The following LRRTM3 variants were observed in gnomAD, a reference collection of about 807,000 sequenced individuals.
LRRTM3 encodes leucine rich repeat transmembrane neuronal 3.
A neutral mutation model predicts 44.7 loss-of-function variants in LRRTM3; 24 were observed. That is an observed-to-expected ratio of 0.54 (90% confidence interval 0.39 to 0.76). The LOEUF (loss-of-function observed/expected upper bound fraction) is 0.76. LRRTM3 is among the 30% of genes least tolerant of loss of function. The pLI, the probability that LRRTM3 is intolerant of heterozygous loss-of-function variation, is 0.00. For synonymous variants in LRRTM3, 277 were observed against 278.7 expected (o/e 0.99, Z 0.06); for missense variants, 587 against 702.2 (o/e 0.84, Z 1.85).
intron 2 of LRRTM3, among the ~76,000 whole-genome samples, chr10:66,977,854 T>G (rs1015621858): frequency 2.6e-5 from 4 of 152,180 alleles, no homozygotes; most frequent in Non-Finnish European, 4.4e-5. Context: ...TATGTCTGGA[T>G]CACTTGTGCT....
intron 2 of LRRTM3, among the ~76,000 whole-genome samples, chr10:67,006,635 T>C (rs753240383): frequency 9.9e-5 from 15 of 152,178 alleles, no homozygotes; most frequent in South Asian, 2.1e-4. Context: ...AATTATGTAA[T>C]AAAAATTTAA....
intron 2 of LRRTM3, among the ~76,000 whole-genome samples, chr10:67,071,765 A>C (rs1161433750): frequency 6.6e-6 from 1 of 152,164 alleles, no homozygotes; most frequent in Non-Finnish European, 1.5e-5. Flanking sequence ...AAATTAGCAT[A>C]ACACAAATAC....
At chr10:67,048,071 T>C (rs952114677) in intron 2 of LRRTM3, among the ~76,000 whole-genome samples, 1 of 152,086 alleles carries the variant, frequency 6.6e-6, no homozygotes. Context: ...CCTCTCTAAA[T>C]AGTCTAGAAC....
At chr10:67,005,772 G>C (rs1450962712) in intron 2 of LRRTM3, among the ~76,000 whole-genome samples, 1 of 129,006 alleles carries the variant, frequency 7.8e-6, no homozygotes, top group African/African-American at 2.9e-5. Flanking sequence ...TGCAACCTCC[G>C]CCTCCCAGGT....
At chr10:66,934,718 C>T (rs1847593794) in intron 2 of LRRTM3, among the ~76,000 whole-genome samples, 2 of 152,080 alleles carry the variant, frequency 1.3e-5, no homozygotes, top group Non-Finnish European at 2.9e-5. Context: ...AACACTCTTT[C>T]CAACAATCAG....
At chr10:66,933,940 G>A (rs1847548838) in intron 2 of LRRTM3, among the ~76,000 whole-genome samples, 1 of 152,098 alleles carries the variant, frequency 6.6e-6, no homozygotes, top group South Asian at 2.1e-4. Flanking sequence ...CTAAAGATCA[G>A]AGAGAGGATG....
chr10:66,998,719 T>G (rs1851509843), intron 2 of LRRTM3, among the ~76,000 whole-genome samples: 1 of 152,076 alleles, frequency 6.6e-6, no homozygotes, highest in African/African-American at 2.4e-5. Flanking sequence ...AAAGTAAAAT[T>G]GAGATTAGAA....
chr10:66,932,135 A>AC (rs1847435793), intron 2 of LRRTM3, among the ~76,000 whole-genome samples: 1 of 151,994 alleles, frequency 6.6e-6, no homozygotes. Flanking sequence ...CCAGCTGAAC[A>AC]CTGGTTCTAT....
chr10:67,046,872 A>G (rs1249263435), intron 2 of LRRTM3, among the ~76,000 whole-genome samples: 1 of 152,212 alleles, frequency 6.6e-6, no homozygotes, highest in East Asian at 1.9e-4. Context: ...TAAGGGTCCA[A>G]AGAAAATTTG....
chr10:67,001,018 A>G (rs1851652331), intron 2 of LRRTM3, among the ~76,000 whole-genome samples: 1 of 152,044 alleles, frequency 6.6e-6, no homozygotes, highest in Non-Finnish European at 1.5e-5. Flanking sequence ...TAAAAATTAA[A>G]TAGGCCAGGT....
At chr10:66,972,454 A>G (rs1849775037) in intron 2 of LRRTM3, among the ~76,000 whole-genome samples, 1 of 152,020 alleles carries the variant, frequency 6.6e-6, no homozygotes, top group Non-Finnish European at 1.5e-5. Context: ...TGTGCCTTGC[A>G]GAATACATTT....
intron 2 of LRRTM3, among the ~76,000 whole-genome samples, chr10:67,023,825 G>A (rs1853182476): frequency 6.6e-6 from 1 of 152,152 alleles, no homozygotes; most frequent in African/African-American, 2.4e-5. Context: ...TTAGGATACA[G>A]GAGTTTTACA....
At chr10:67,075,413 G>A (rs555774030) in intron 2 of LRRTM3, among the ~76,000 whole-genome samples, 1 of 152,252 alleles carries the variant, frequency 6.6e-6, no homozygotes, top group South Asian at 2.1e-4. Flanking sequence ...CATTGTAAGA[G>A]GTAAATGAGA....
At chr10:67,096,012 A>C (rs1857969287) in intron 2 of LRRTM3, among the ~76,000 whole-genome samples, 1 of 151,724 alleles carries the variant, frequency 6.6e-6, no homozygotes, top group Non-Finnish European at 1.5e-5. Flanking sequence ...AAAGTATGTG[A>C]TATCTTTCAT....
intron 2 of LRRTM3, among the ~76,000 whole-genome samples, chr10:67,055,968 T>A (rs777668980): frequency 1.3e-5 from 2 of 152,160 alleles, no homozygotes; most frequent in African/African-American, 4.8e-5. Flanking sequence ...TGTTTCCTCA[T>A]GAGCATAATA....
At chr10:66,973,860 G>A (rs941615168) in intron 2 of LRRTM3, among the ~76,000 whole-genome samples, 2 of 152,122 alleles carry the variant, frequency 1.3e-5, no homozygotes, top group Admixed American at 6.5e-5. Context: ...CTGACCTCAA[G>A]ATTTATCCCC....
chr10:66,976,547 G>T (rs767450114), intron 2 of LRRTM3, among the ~76,000 whole-genome samples: 20 of 152,058 alleles, frequency 1.3e-4, no homozygotes, highest in Non-Finnish European at 2.1e-4. Context: ...TAACTGTAAT[G>T]ACATCATCTC....
intron 2 of LRRTM3, among the ~76,000 whole-genome samples, chr10:66,983,710 T>C (rs951188591): frequency 6.6e-6 from 1 of 152,156 alleles, no homozygotes; most frequent in Non-Finnish European, 1.5e-5. Context: ...TTAGTCTTTC[T>C]CCACAGCAAA....
At chr10:67,070,644 G>C (rs1217286407) in intron 2 of LRRTM3, among the ~76,000 whole-genome samples, 2 of 151,946 alleles carry the variant, frequency 1.3e-5, no homozygotes, top group Non-Finnish European at 2.9e-5. Flanking sequence ...CTGCTTGGGA[G>C]GCTGAGGCAG....
Sources: gnomAD v4.1 joint callset for allele counts (sites outside exome capture counted in the v4.1 genomes callset) on GRCh38, gnomAD v4.1.1 for gene constraint, MANE v1.5 for transcripts, NCBI Gene and HGNC (gene_info 2026-07-23, HGNC 2026-07-21) for gene names.